The following TMEM8B variants were observed in gnomAD, a reference collection of about 807,000 sequenced individuals.
TMEM8B encodes transmembrane protein 8B.
TMEM8B carries 29 observed loss-of-function variants against 49.3 expected under a neutral mutation model. That is an observed-to-expected ratio of 0.59 (90% CI 0.44 to 0.80). TMEM8B has a LOEUF of 0.80. Ranked by LOEUF, TMEM8B falls within the 30% of genes least tolerant of loss-of-function variation. The pLI is 0.00. For synonymous variants in TMEM8B, 264 were observed against 272.8 expected, an observed-to-expected ratio of 0.97 and a Z score of 0.32; for missense variants, 575 against 658.5, an observed-to-expected ratio of 0.87 and a Z score of 1.39.
rs1228903335 is a variant in TMEM8B, at chr9:35,865,047, G to A, written c.*11207G>A. On this transcript the variant is annotated 3_prime_UTR_variant, in exon 13 of 13. Transcript: ENST00000643932. ...GCACAAAGTTGCAGGCTTGGCAGCTGTGGGACCTGGGCTTCAGAGACTCCA... is the reference window on the plus strand; with the variant it reads ...GCACAAAGTTGCAGGCTTGGCAGCTATGGGACCTGGGCTTCAGAGACTCCA... 6.6e-6 allele frequency: 1 copy of A among 152,258 alleles called. No individual in the cohort carries two copies. The highest frequency in any genetic ancestry group is 1.5e-5 in the Non-Finnish European group (1 of 68,066). 9.4% of individuals were successfully genotyped at this position (152,258 alleles called of 1,614,324 possible).
rs553876550 is a variant in TMEM8B at position 35,829,560 on chromosome 9, C to G, written c.113C>G (p.Ser38Cys). Residue 38 changes from serine to cysteine, a missense_variant, in exon 1 of 13, where the codon TCC becomes TGC. Coordinates refer to ENST00000643932, the MANE Select transcript of TMEM8B (RefSeq NM_001042590.4). The part of the protein sequence containing the change: ...HRPQPLPGSP[S>C]RTPFQSLPLA... ...CCCCAGCCCCTGCCTGGGTCCCCAT[C>G]CAGGACCCCCTTCCAGTCTCTGCCC... 6 of 271,624 alleles carry G rather than the reference C, an allele frequency of 2.2e-5. No homozygotes were observed. The highest frequency in any genetic ancestry group is 2.7e-5 in the Non-Finnish European group (4 of 145,810). 16.8% of individuals were successfully genotyped at this position (271,624 alleles called of 1,614,324 possible). A position where few individuals can be genotyped will look rare whatever the true frequency, so the allele number is the denominator to read the frequency against.
intron 10 of TMEM8B, among the ~76,000 whole-genome samples, chr9:35,850,281 A>G (rs942144132): frequency 1.3e-5 from 2 of 152,266 alleles, no homozygotes; most frequent in Non-Finnish European, 2.9e-5. Flanking sequence ...TAATTTCCCT[A>G]CATTGCTTCA....
chr9:35,861,654 AC>A lies in TMEM8B; in HGVS notation c.*7815del, dbSNP rs1832655937. On this transcript the variant is annotated 3_prime_UTR_variant, in exon 13 of 13. Coordinates refer to ENST00000643932, the MANE Select transcript of TMEM8B (RefSeq NM_001042590.4). The stretch of plus-strand genomic sequence containing the variant: ...GACTAGCTGTGTGACACTGACCAAG[AC>A]ACTTGACCTCTCTCAGACTCAGCTT... The A allele has an allele frequency of 6.6e-6, 1 of 152,440 alleles. No homozygotes were observed. The highest frequency in any genetic ancestry group is 2.4e-5 in the African/African-American group (1 of 41,440). The allele number at this position is 152,440 out of a possible 1,614,324, so 9.4% of individuals were successfully genotyped here.
At position 35,842,631 on chromosome 9, in the gene TMEM8B, C is replaced by A; in HGVS notation, c.1549C>A (p.Pro517Thr). ...IFFGPSVALP[P>T]ERPAVFAMRL... ...CTTTGGCCCAAGTGTGGCCCTTCCC[C>A]CTGAGCGCCCAGCCGTGTTCGCCAT... Residue 517 changes from proline to threonine, a missense_variant, in exon 6 of 13, where the codon CCT (proline) becomes ACT (threonine). By Grantham distance (38) the Pro-to-Thr change is conservative. Coordinates refer to ENST00000643932, the MANE Select transcript of TMEM8B (RefSeq NM_001042590.4). This position sits in a 1 kb window ranked among gnomAD's most constrained non-coding sequence, Gnocchi z 5.6. 2 of 1,614,222 alleles carry A rather than the reference C, an allele frequency of 1.2e-6. No individual in the cohort carries two copies. The highest frequency in any genetic ancestry group is 2.2e-5 in the East Asian group (1 of 44,886).
At chr9:35,830,813 G>A (rs776624774) in intron 1 of TMEM8B, among the ~76,000 whole-genome samples, 214 of 152,348 alleles carry the variant, frequency 1.4e-3, no homozygotes, top group Admixed American at 2.3e-3. Flanking sequence ...GCCACCCTCC[G>A]GTGGGGAAGT....
At chr9:35,830,789 G>C (rs115849580) in intron 1 of TMEM8B, among the ~76,000 whole-genome samples, 1,674 of 152,334 alleles carry the variant, frequency 0.011, 22 homozygotes, top group African/African-American at 0.038. Context: ...TTATTTGCCA[G>C]GCGTCAGCCA....
At chr9:35,840,567 C>T (rs931614618) in intron 3 of TMEM8B, among the ~76,000 whole-genome samples, 6 of 151,818 alleles carry the variant, frequency 4.0e-5, no homozygotes, top group East Asian at 3.9e-4. Context: ...TGTGTAGGGC[C>T]GCTCATTACC....
intron 10 of TMEM8B, 110 bp from the exon 11 acceptor site, chr9:35,852,717 C>T: frequency 1.6e-6 from 2 of 1,284,220 alleles, no homozygotes; most frequent in Non-Finnish European, 2.2e-6. Flanking sequence ...TGTGACCTTT[C>T]ACCTCTGCTG....
At position 35,864,250 on chromosome 9, in the gene TMEM8B, C is replaced by G. The variant is rs1160721712; in HGVS notation, c.*10410C>G. ...ACTTCCAACCTGAGGTCTGATAGACCCAGGGTTACTTTGCAAGCTAACTGA... is the reference window on the plus strand; with the variant it reads ...ACTTCCAACCTGAGGTCTGATAGACGCAGGGTTACTTTGCAAGCTAACTGA... On this transcript the variant is annotated 3_prime_UTR_variant, in exon 13 of 13. Coordinates refer to ENST00000643932, the MANE Select transcript of TMEM8B (RefSeq NM_001042590.4). 1 of 152,136 alleles carries G rather than the reference C, an allele frequency of 6.6e-6. No individual in the cohort carries two copies. Among genetic ancestry groups the G allele is most frequent in the Non-Finnish European group, 1.5e-5 (1 of 68,034 alleles). The allele number at this position is 152,136 out of a possible 1,614,324, so 9.4% of individuals were successfully genotyped here.
Position 35,829,858 on chromosome 9 carries a change from T to C in TMEM8B, c.411T>C (p.His137=), listed in dbSNP as rs1425095937. The change falls in exon 1 of 13, where the codon CAT becomes CAC. Residue 137 remains histidine, a synonymous_variant. Coordinates refer to ENST00000643932, the MANE Select transcript of TMEM8B (RefSeq NM_001042590.4). The part of the protein sequence containing the change: ...KSLPLVPPIS[H]TLPLSQPRLK... ...TCCCTCTAGTCCCCCCTATCTCTCA[T>C]ACTCTGCCCCTCTCCCAGCCTAGAC... The C allele has an allele frequency of 2.4e-6, 1 of 416,160 alleles. No individual in the cohort carries two copies. The highest frequency in any genetic ancestry group is 4.4e-5 in the Admixed American group (1 of 22,728). The allele number at this position is 416,160 out of a possible 1,614,324, so 25.8% of individuals were successfully genotyped here. A position where few individuals can be genotyped will look rare whatever the true frequency, so the allele number is the denominator to read the frequency against.
At chr9:35,844,984 G>A (rs1472430177) in intron 6 of TMEM8B, among the ~76,000 whole-genome samples, 1 of 151,756 alleles carries the variant, frequency 6.6e-6, no homozygotes, top group Admixed American at 6.6e-5. Context: ...TTTTTCTTTG[G>A]CTCCCTCCTA....
chr9:35,848,720 G>C (rs1278315229), intron 10 of TMEM8B, among the ~76,000 whole-genome samples: 1 of 149,426 alleles, frequency 6.7e-6, no homozygotes, highest in Non-Finnish European at 1.5e-5. Context: ...TGTTGCCCAG[G>C]CTGGAGTGCA....
chr9:35,851,534 T>C (rs1832136494), intron 10 of TMEM8B, among the ~76,000 whole-genome samples: 1 of 152,242 alleles, frequency 6.6e-6, no homozygotes, highest in Admixed American at 6.5e-5. Context: ...TTTAACAGTA[T>C]ATTAAGAGGG....
chr9:35,851,426 G>A (rs775278400), intron 10 of TMEM8B, among the ~76,000 whole-genome samples: 14 of 152,310 alleles, frequency 9.2e-5, no homozygotes, highest in Middle Eastern at 3.4e-3. Flanking sequence ...ATTAACAGGC[G>A]TGAGCCACTG....
Position 35,842,781 on chromosome 9 carries a change from G to T in TMEM8B, c.1635+64G>T. The stretch of plus-strand genomic sequence containing the variant: ...GAGCTTGAAGGGGAAGGTGTCAGGG[G>T]TGTTGGGGTGTTTACCTCCTCCAGG... On this transcript the variant is annotated intron_variant, in intron 6 of 12. Coordinates refer to ENST00000643932, the MANE Select transcript of TMEM8B (RefSeq NM_001042590.4). The surrounding 1 kb of genome is among the most constrained non-coding windows in gnomAD (Gnocchi z 5.6). The T allele has an allele frequency of 1.3e-6, 2 of 1,494,268 alleles. No homozygotes were observed. The highest frequency in any genetic ancestry group is 2.4e-5 in the East Asian group (1 of 42,148). The allele number at this position is 1,494,268 out of a possible 1,614,324, so 92.6% of individuals were successfully genotyped here.
chr9:35,848,473 A>G (rs1331436614), intron 10 of TMEM8B, among the ~76,000 whole-genome samples: 3 of 152,120 alleles, frequency 2.0e-5, no homozygotes, highest in African/African-American at 7.2e-5. Context: ...AGCCTGAAGC[A>G]TGTAGGGAGA....
At chr9:35,847,493 G>A (rs145938483) in intron 10 of TMEM8B, among the ~76,000 whole-genome samples, 253 of 152,342 alleles carry the variant, frequency 1.7e-3, no homozygotes, top group Admixed American at 3.8e-3. Flanking sequence ...TCGTTAGCAC[G>A]TTCGTTCCTG....
chr9:35,848,616 A>G (rs1588171786), intron 10 of TMEM8B, among the ~76,000 whole-genome samples: 1 of 151,672 alleles, frequency 6.6e-6, no homozygotes, highest in East Asian at 1.9e-4. Flanking sequence ...GAGTACTAGG[A>G]GAGCCTCAAG....
chr9:35,844,818 A>C (rs894761058), intron 6 of TMEM8B, among the ~76,000 whole-genome samples: 1 of 152,186 alleles, frequency 6.6e-6, no homozygotes, highest in Admixed American at 6.5e-5. Context: ...TTTAATGAGC[A>C]TCTGTTTACA....
Sources: gnomAD v4.1 joint callset for allele counts (sites outside exome capture counted in the v4.1 genomes callset) on GRCh38, gnomAD v4.1.1 for gene constraint, Gnocchi (gnomAD v3.1) non-coding constraint, MANE v1.5 for transcripts, NCBI Gene and HGNC (gene_info 2026-07-23, HGNC 2026-07-21) for gene names.